Variants in GABRR2 observed in about 807,000 individuals in gnomAD.
GABRR2 encodes the protein gamma-aminobutyric acid type A receptor subunit rho2, also known as gamma-aminobutyric acid receptor subunit rho-2.
Under a neutral mutation model 47.0 loss-of-function variants are expected in GABRR2, and 36 were observed. That is an observed-to-expected ratio of 0.77 (90% CI 0.59 to 1.01). The LOEUF is 1.01. GABRR2 is among the 50% of genes least tolerant of loss of function. The pLI, the probability that GABRR2 is intolerant of heterozygous loss-of-function variation, is 0.00. For synonymous variants in GABRR2, 204 were observed against 227.5 expected (o/e 0.90, Z 0.93); for missense variants, 587 against 594.6 (o/e 0.99, Z 0.13).
rs375510797 is a variant in GABRR2, at chr6:89,267,683, G to A, written c.732C>T (p.Ser244=). Reference sequence around the variant, plus strand: ...ATTGTGGCAAAAGATAGCTACCAGTGCTGCTGTAGAAGGCCAGCCTGGAAG... The same window carrying A: ...ATTGTGGCAAAAGATAGCTACCAGTACTGCTGTAGAAGGCCAGCCTGGAAG... ...HTTSRLAFYS[S]TGWYNRLYIN... The change falls in exon 6 of 9, where the codon AGC becomes AGT. Residue 244 remains serine, a synonymous_variant. Coordinates refer to ENST00000402938, the MANE Select transcript of GABRR2 (RefSeq NM_002043.5). 1.2e-6 allele frequency: 2 copies of A among 1,612,324 alleles called. No homozygotes were observed. Among genetic ancestry groups the A allele is most frequent in the Non-Finnish European group, 1.7e-6 (2 of 1,179,252 alleles).
intron 2 of GABRR2, among the ~76,000 whole-genome samples, chr6:89,285,881 C>G (rs1054478523): frequency 6.6e-6 from 1 of 151,970 alleles, no homozygotes; most frequent in Non-Finnish European, 1.5e-5. Flanking sequence ...CCTCTTTGAC[C>G]TCTCTCCATG....
chr6:89,305,023 G>T (rs1018529029), intron 1 of GABRR2, among the ~76,000 whole-genome samples: 4 of 152,194 alleles, frequency 2.6e-5, no homozygotes, highest in Non-Finnish European at 5.9e-5. Flanking sequence ...GCAGAGAGAT[G>T]GAATCAACCT....
At chr6:89,280,123 C>T (rs962231285) in intron 2 of GABRR2, among the ~76,000 whole-genome samples, 7 of 151,148 alleles carry the variant, frequency 4.6e-5, no homozygotes, top group Non-Finnish European at 1.0e-4. Context: ...GTAGGAGAAT[C>T]GCTTGAACCC....
chr6:89,269,442 A>G, intron 3 of GABRR2: 1 of 569,134 alleles, frequency 1.8e-6, no homozygotes, highest in Non-Finnish European at 3.2e-6. Context: ...AGCCCAGGAG[A>G]CTGAGCAACC....
intron 2 of GABRR2, among the ~76,000 whole-genome samples, chr6:89,278,972 C>T (rs1282659816): frequency 6.6e-6 from 1 of 152,204 alleles, no homozygotes; most frequent in East Asian, 1.9e-4. Flanking sequence ...CCTGGCTTCC[C>T]CAGCCAGCTC....
chr6:89,315,222 TC>T lies in GABRR2; in HGVS notation c.-58del. ...TTCCAGTAGCCTGTGGCAGAGCAAA[TC>T]CCCCCTGGCTTGACCATTGATCCAT... On this transcript the variant is annotated 5_prime_UTR_variant, in exon 1 of 9. Transcript: ENST00000402938. 6.2e-7 allele frequency: 1 copy of T among 1,610,602 alleles called. No individual in the cohort carries two copies. Among genetic ancestry groups the T allele is most frequent in the Non-Finnish European group, 8.5e-7 (1 of 1,178,008 alleles).
At chr6:89,280,253 T>TAC (rs1554197270) in intron 2 of GABRR2, among the ~76,000 whole-genome samples, 1,456 of 124,492 alleles carry the variant, frequency 0.012, 54 homozygotes, top group African/African-American at 0.042. Flanking sequence ...TATATATATA[T>TAC]ACATACATAT....
At chr6:89,293,088 G>A (rs1281446166) in intron 2 of GABRR2, among the ~76,000 whole-genome samples, 2 of 152,060 alleles carry the variant, frequency 1.3e-5, no homozygotes, top group Non-Finnish European at 2.9e-5. Flanking sequence ...TACACAAAAT[G>A]TGGTATACAT....
intron 2 of GABRR2, 102 bp downstream of exon 2, chr6:89,299,657 G>T: frequency 1.4e-6 from 1 of 729,100 alleles, no homozygotes; most frequent in Non-Finnish European, 2.4e-6. Flanking sequence ...TGGGAAAATT[G>T]CACCATCTGA....
chr6:89,300,457 T>G (rs1209315452), intron 1 of GABRR2, among the ~76,000 whole-genome samples: 1 of 150,888 alleles, frequency 6.6e-6, no homozygotes, highest in East Asian at 1.9e-4. Flanking sequence ...TTGCAGTGAG[T>G]GGAGATTGCG....
chr6:89,269,873 G>C (rs552073152), intron 3 of GABRR2, among the ~76,000 whole-genome samples: 1 of 152,296 alleles, frequency 6.6e-6, no homozygotes, highest in South Asian at 2.1e-4. Context: ...TTGTTCAAAA[G>C]TGTCTCCTTG....
intron 1 of GABRR2, among the ~76,000 whole-genome samples, chr6:89,313,514 G>GT (rs1767711905): frequency 6.6e-6 from 1 of 152,162 alleles, no homozygotes; most frequent in South Asian, 2.1e-4. Context: ...GCTCCTTCCA[G>GT]TTTAACAGCC....
intron 8 of GABRR2, 108 bp from the exon 9 acceptor site, chr6:89,258,089 A>C: frequency 9.8e-7 from 1 of 1,019,638 alleles, no homozygotes; most frequent in South Asian, 1.7e-5. Context: ...ACAGAAAGAT[A>C]GAACTAGAAA....
At chr6:89,264,005 G>C (rs1019466871) in intron 8 of GABRR2, among the ~76,000 whole-genome samples, 9 of 152,178 alleles carry the variant, frequency 5.9e-5, no homozygotes, top group Non-Finnish European at 1.3e-4. Flanking sequence ...GGGAGGCACT[G>C]TCCCTAGACA....
chr6:89,274,936 T>C (rs1219313492), intron 2 of GABRR2, among the ~76,000 whole-genome samples: 1 of 152,170 alleles, frequency 6.6e-6, no homozygotes, highest in Non-Finnish European at 1.5e-5. Context: ...TTGGGATTTC[T>C]CTTCTCTGGT....
intron 2 of GABRR2, among the ~76,000 whole-genome samples, chr6:89,278,620 G>A (rs1215074172): frequency 4.6e-5 from 7 of 152,186 alleles, no homozygotes; most frequent in Non-Finnish European, 8.8e-5. Context: ...TGAGCCCCTG[G>A]GTAAGGTTGT....
chr6:89,314,633 T>A (rs1196884396), intron 1 of GABRR2, among the ~76,000 whole-genome samples: 1 of 152,190 alleles, frequency 6.6e-6, no homozygotes. Flanking sequence ...CGTATGCATT[T>A]TTTTCTTAAT....
At chr6:89,305,622 T>TCA (rs113461901) in intron 1 of GABRR2, among the ~76,000 whole-genome samples, 2,763 of 151,218 alleles carry the variant, frequency 0.018, 44 homozygotes, top group African/African-American at 0.044. Flanking sequence ...AGACCCTGTC[T>TCA]CACACACACA....
At chr6:89,303,461 A>T (rs998702425) in intron 1 of GABRR2, among the ~76,000 whole-genome samples, 10 of 152,142 alleles carry the variant, frequency 6.6e-5, no homozygotes, top group African/African-American at 2.2e-4. Flanking sequence ...ATGAAAATAC[A>T]TTTCATGCTC....
Sources: allele counts gnomAD v4.1 joint callset (sites outside exome capture counted in the v4.1 genomes callset), GRCh38; gene constraint gnomAD v4.1.1; transcripts MANE v1.5; gene names NCBI Gene and HGNC (gene_info 2026-07-23, HGNC 2026-07-21).